The following TONSL variants were observed in gnomAD, a reference collection of about 807,000 sequenced individuals.
The protein encoded by TONSL is tonsoku-like protein.
A neutral mutation model predicts 147.1 loss-of-function variants in TONSL; 112 were observed. That is an observed-to-expected ratio of 0.76 (90% CI 0.65 to 0.89). The LOEUF (loss-of-function observed/expected upper bound fraction) is 0.89, where lower values mean the gene tolerates loss of function less well. Ranked by LOEUF, TONSL falls within the 40% of genes least tolerant of loss-of-function variation. The pLI is 0.00. For missense variants in TONSL, 1,883 were observed against 1,864.6 expected (o/e 1.01, Z -0.18); for synonymous variants, 868 against 801.5 (o/e 1.08, Z -1.40).
Position 144,434,884 on chromosome 8 carries a change from C to T in TONSL, c.3012G>A (p.Leu1004=), listed in dbSNP as rs1823370275. 5 of 1,613,380 alleles carry T rather than the reference C, an allele frequency of 3.1e-6. No individual in the cohort carries two copies. Among genetic ancestry groups the T allele is most frequent in the Non-Finnish European group, 4.2e-6 (5 of 1,179,962 alleles). Residue 1004 remains leucine, a synonymous_variant, in exon 20 of 26, where the codon TTG becomes TTA. Transcript: ENST00000409379. The part of the protein sequence containing the change: ...PDVLQSNDEV[L]AEVTSWDLPP... ...GCAGGTCCCACGAAGTCACCTCAGC[C>T]AACACCTGGAAGGCACCGTCATGAG...
rs1357299713 is a variant in TONSL at position 144,437,041 on chromosome 8, T to G, written c.1712A>C (p.Asn571Thr). ...CCCTTGCTCACCTAGATGCCCGTAG[T>G]TGCAGGCCTCGTGCAGAGGTGTCCA... ...CGWTPLHEAC[N>T]YGHLEIVRFL... Residue 571 changes from asparagine (N) to threonine (T), a missense_variant, in exon 14 of 26, where the codon AAC becomes ACC. Transcript: ENST00000409379. 6.2e-7 allele frequency: 1 copy of G among 1,613,340 alleles called. No individual in the cohort carries two copies. Among genetic ancestry groups the G allele is most frequent in the Admixed American group, 1.7e-5 (1 of 60,014 alleles).
chr8:144,436,072 G>T lies in TONSL; in HGVS notation c.2361C>A (p.Thr787=). 6.4e-7 allele frequency: 1 copy of T among 1,571,090 alleles called. No individual in the cohort carries two copies. Reference sequence around the variant, plus strand: ...TGGCTGCCTGGTAGGCTGCCCGGCTGGTGCTGGCTGTGGCTGCTTCCCTGT... The same window carrying T: ...TGGCTGCCTGGTAGGCTGCCCGGCTTGTGCTGGCTGTGGCTGCTTCCCTGT... ...ASNREAATAS[T]SRAAYQAAIR... is the part of the protein sequence containing the mutation. The change falls in exon 17 of 26, where the codon ACC becomes ACA. Residue 787 remains threonine (T), a synonymous_variant. Coordinates refer to ENST00000409379, the MANE Select transcript of TONSL (RefSeq NM_013432.5).
intron 23 of TONSL, 66 bp from the exon 24 acceptor site, chr8:144,431,217 C>A: frequency 6.6e-7 from 1 of 1,521,628 alleles, no homozygotes. Flanking sequence ...TGCTTCCCAG[C>A]AGGTGCACCA....
At position 144,440,003 on chromosome 8, in the gene TONSL, G is replaced by A. The variant is rs747927367; in HGVS notation, c.1480+18C>T. ...CCAGAGCAGGCCCAGGGAAATGCAA[G>A]GTGCCGCTGGCCCTCACCGCCCTCT... On this transcript the variant is annotated intron_variant, in intron 11 of 25. Coordinates refer to ENST00000409379, the MANE Select transcript of TONSL (RefSeq NM_013432.5). 2.2e-5 allele frequency: 21 copies of A among 973,654 alleles called. No individual in the cohort carries two copies. The African/African-American group carries it at 2.6e-4, about 12-fold the overall frequency. The allele number at this position is 973,654 out of a possible 1,614,324, so 60.3% of individuals were successfully genotyped here.
In TONSL at chr8:144,434,153, G is replaced by C; in HGVS notation, c.3212C>G (p.Ala1071Gly). Residue 1071 changes from alanine (A) to glycine (G), a missense_variant, in exon 21 of 26, where the codon GCA becomes GGA. Coordinates refer to ENST00000409379, the MANE Select transcript of TONSL (RefSeq NM_013432.5). Reference protein sequence around the residue: ...PLLRALKLHTALRELRLAGNR... With the variant: ...PLLRALKLHTGLRELRLAGNR... Reference sequence around the variant, plus strand: ...CCCTGCCAGGCGCAGCTCCCGGAGTGCTGTGTGCAGCTTGAGGGCCCGCAG... The same window carrying C: ...CCCTGCCAGGCGCAGCTCCCGGAGTCCTGTGTGCAGCTTGAGGGCCCGCAG... The C allele has an allele frequency of 6.2e-7, 1 of 1,610,652 alleles. No individual in the cohort carries two copies. The highest frequency in any genetic ancestry group is 8.5e-7 in the Non-Finnish European group (1 of 1,178,694).
At chr8:144,431,771 C>T (rs1823204640) in intron 23 of TONSL, among the ~76,000 whole-genome samples, 1 of 151,926 alleles carries the variant, frequency 6.6e-6, no homozygotes, top group Non-Finnish European at 1.5e-5. Context: ...CCTCGGCCTC[C>T]CAAAGTGCTG....
chr8:144,431,087 T>C lies in TONSL; in HGVS notation c.3800A>G (p.Asp1267Gly). The change falls in exon 24 of 26, where the codon GAC becomes GGC. Residue 1267 changes from aspartate (D) to glycine (G), a missense_variant. By Grantham distance (94) the Asp-to-Gly change is moderately conservative (BLOSUM62 -1). Transcript: ENST00000409379. ...AGGGAAAGGGCGTTACCTGCACAGGTCTCTAACAGCCTTGTCCCCCAGGTG... is the reference window on the plus strand; with the variant it reads ...AGGGAAAGGGCGTTACCTGCACAGGCCTCTAACAGCCTTGTCCCCCAGGTG... ...ANHLGDKAVR[D>G]LCRCLSLCPS... The C allele has an allele frequency of 1.2e-6, 2 of 1,614,022 alleles. No homozygotes were observed. Among genetic ancestry groups the C allele is most frequent in the Non-Finnish European group, 1.7e-6 (2 of 1,179,960 alleles).
chr8:144,431,100 T>C lies in TONSL; in HGVS notation c.3787A>G (p.Lys1263Glu), dbSNP rs1554878560. Reference sequence around the variant, plus strand: ...TACCTGCACAGGTCTCTAACAGCCTTGTCCCCCAGGTGGTTTGCAGACAGG... The same window carrying C: ...TACCTGCACAGGTCTCTAACAGCCTCGTCCCCCAGGTGGTTTGCAGACAGG... Reference protein sequence around the residue: ...LTLSANHLGDKAVRDLCRCLS... With the variant: ...LTLSANHLGDEAVRDLCRCLS... Residue 1263 changes from lysine (K) to glutamate (E), a missense_variant, in exon 24 of 26, where the codon AAG (lysine) becomes GAG (glutamate). Transcript: ENST00000409379. The C allele has an allele frequency of 1.2e-6, 2 of 1,614,178 alleles. No homozygotes were observed. The highest frequency in any genetic ancestry group is 8.5e-7 in the Non-Finnish European group (1 of 1,179,998).
chr8:144,433,696 A>T lies in TONSL; in HGVS notation c.3451T>A (p.Ser1151Thr), dbSNP rs979348267. Residue 1151 changes from serine (S) to threonine (T), a missense_variant, in exon 22 of 26, where the codon TCC becomes ACC. By Grantham distance (58) the Ser-to-Thr change is moderately conservative. Transcript: ENST00000409379. ...LGDGCGQSLASLLHACPLLST... is the reference protein window; with the variant it reads ...LGDGCGQSLATLLHACPLLST... Reference sequence around the variant, plus strand: ...AGTAAGGGGCAGGCGTGCAGGAGGGAGGCCAGGGACTGGCCACAGCCGTCC... The same window carrying T: ...AGTAAGGGGCAGGCGTGCAGGAGGGTGGCCAGGGACTGGCCACAGCCGTCC... 1.2e-6 allele frequency: 2 copies of T among 1,611,890 alleles called. No individual in the cohort carries two copies. Among genetic ancestry groups the T allele is most frequent in the Middle Eastern group, 3.4e-4 (2 of 5,960 alleles).
rs1257761857 is a variant in TONSL at position 144,442,685 on chromosome 8, G to A, written c.570C>T (p.Phe190=). The change falls in exon 5 of 26, where the codon TTC becomes TTT. Residue 190 remains phenylalanine, a synonymous_variant. Coordinates refer to ENST00000409379, the MANE Select transcript of TONSL (RefSeq NM_013432.5). ...GCGGGGCAGGGCCTTACTCCGCAAG[G>A]AAGATGCTCTTCCTGAAGTAATCGT... ...LCNDYFRKSI[F]LAEQNHLYED... 6.2e-7 allele frequency: 1 copy of A among 1,612,706 alleles called. No individual in the cohort carries two copies. Among genetic ancestry groups the A allele is most frequent in the Non-Finnish European group, 8.5e-7 (1 of 1,179,822 alleles).
Position 144,436,899 on chromosome 8 carries a change from T to C in TONSL, c.1748A>G (p.Asp583Gly). The C allele has an allele frequency of 6.2e-7, 1 of 1,608,546 alleles. No individual in the cohort carries two copies. Among genetic ancestry groups the C allele is most frequent in the Non-Finnish European group, 8.5e-7 (1 of 1,179,158 alleles). The change falls in exon 15 of 26, where the codon GAC (aspartate) becomes GGC (glycine). Residue 583 changes from aspartate to glycine, a missense_variant. By Grantham distance (94) the Asp-to-Gly change is moderately conservative. Transcript: ENST00000409379. ...GHLEIVRFLL[D>G]HGAAVDDPGG... ...TGGGTCGTCCACTGCGGCCCCGTGGTCCAGCAGGAAGCGGACAATTTCTGC... is the reference window on the plus strand; with the variant it reads ...TGGGTCGTCCACTGCGGCCCCGTGGCCCAGCAGGAAGCGGACAATTTCTGC...
intron 4 of TONSL, 133 bp downstream of exon 4, chr8:144,443,005 A>T: frequency 4.0e-6 from 5 of 1,244,646 alleles, no homozygotes; most frequent in Non-Finnish European, 4.4e-6. Context: ...CGGGGCATGC[A>T]CCCCTCACAC....
intron 22 of TONSL, 174 bp from the exon 23 acceptor site, chr8:144,432,634 G>C: frequency 3.2e-6 from 2 of 623,804 alleles, no homozygotes; most frequent in Non-Finnish European, 2.5e-6. Context: ...CAGCTGGGAG[G>C]GCGGGGCCAG....
At position 144,443,298 on chromosome 8, in the gene TONSL, C is replaced by A; in HGVS notation, c.288G>T (p.Leu96=). 3 of 1,550,492 alleles carry A rather than the reference C, an allele frequency of 1.9e-6. No individual in the cohort carries two copies. The highest frequency in any genetic ancestry group is 2.6e-6 in the Non-Finnish European group (3 of 1,146,780). ...ALQHQHQYLE[L]AHSLRNHTEL... ...CCGTGTGGTTGCGCAGGGAATGTGC[C>A]AGCTCCAGGTACTGGTGCTGGTGCT... is the stretch of plus-strand genomic sequence containing the variant. Residue 96 remains leucine (L), a synonymous_variant, in exon 4 of 26, where the codon CTG becomes CTT. Coordinates refer to ENST00000409379, the MANE Select transcript of TONSL (RefSeq NM_013432.5).
In TONSL at chr8:144,443,258, A is replaced by AG. The variant is rs1184631181; in HGVS notation, c.327dup (p.Trp110LeufsTer13). The AG allele has an allele frequency of 6.4e-7, 1 of 1,550,826 alleles. No individual in the cohort carries two copies. The highest frequency in any genetic ancestry group is 1.2e-5 in the South Asian group (1 of 84,068). The stretch of plus-strand genomic sequence containing the variant: ...AGGTGGGTGCGGCCGATGGTGGCCC[A>AG]GGCCCTCTGCAGCTCCGTGTGGTTG... On this transcript the variant is annotated frameshift_variant, in exon 4 of 26. Coordinates refer to ENST00000409379, the MANE Select transcript of TONSL (RefSeq NM_013432.5). LOFTEE classifies it high-confidence loss of function.
In TONSL at chr8:144,435,531, G is replaced by A; in HGVS notation, c.2795C>T (p.Pro932Leu). 1 of 1,551,478 alleles carries A rather than the reference G, an allele frequency of 6.4e-7. No individual in the cohort carries two copies. The highest frequency in any genetic ancestry group is 8.7e-7 in the Non-Finnish European group (1 of 1,147,196). The change falls in exon 18 of 26, where the codon CCC becomes CTC. Residue 932 changes from proline (P) to leucine (L), a missense_variant. Transcript: ENST00000409379. Reference sequence around the variant, plus strand: ...CTGAACTTGAACTCGAACCCGGATGGGAGGGGGCGGGGCCGGACCCTGGCA... The same window carrying A: ...CTGAACTTGAACTCGAACCCGGATGAGAGGGGGCGGGGCCGGACCCTGGCA... ...GQPLGPAPPPPIRVRVQVQDH... is the reference protein window; with the variant it reads ...GQPLGPAPPPLIRVRVQVQDH...
At chr8:144,440,681 G>T in intron 9 of TONSL, 37 bp downstream of exon 9, 4 of 1,597,610 alleles carry the variant, frequency 2.5e-6, no homozygotes, top group Non-Finnish European at 3.4e-6. Flanking sequence ...CAGAGACATG[G>T]GTGAACCTGC....
chr8:144,429,140 G>A lies in TONSL; in HGVS notation c.*3C>T. ...GTGAGGGTGGGGAAAGGCAGCGCCA[G>A]GGTCAGAGGCGCCGAAAGAAGAGCT... is the stretch of plus-strand genomic sequence containing the variant. On this transcript the variant is annotated 3_prime_UTR_variant, in exon 26 of 26. Coordinates refer to ENST00000409379, the MANE Select transcript of TONSL (RefSeq NM_013432.5). The A allele has an allele frequency of 6.6e-7, 1 of 1,520,352 alleles. No individual in the cohort carries two copies. Among genetic ancestry groups the A allele is most frequent in the Non-Finnish European group, 8.8e-7 (1 of 1,139,562 alleles). The allele number at this position is 1,520,352 out of a possible 1,614,324, so 94.2% of individuals were successfully genotyped here.
intron 3 of TONSL, among the ~76,000 whole-genome samples, chr8:144,443,576 C>T (rs1412369008): frequency 1.3e-5 from 2 of 152,250 alleles, no homozygotes; most frequent in Non-Finnish European, 2.9e-5. Flanking sequence ...GGGTTGCAGT[C>T]CTGCCTCCAG....
Sources: gnomAD v4.1 joint callset for allele counts (sites outside exome capture counted in the v4.1 genomes callset) on GRCh38, gnomAD v4.1.1 for gene constraint, MANE v1.5 for transcripts, NCBI Gene and HGNC (gene_info 2026-07-23, HGNC 2026-07-21) for gene names.